HMCN2: variants seen among roughly 807,000 people sequenced by gnomAD.
HMCN2 encodes hemicentin 2.
A neutral mutation model predicts 377.5 loss-of-function variants in HMCN2; 325 were observed. The ratio of observed to expected loss-of-function variants is 0.86; its 90% confidence interval spans 0.79 to 0.94. HMCN2 has a LOEUF of 0.94. HMCN2 is among the 40% of genes least tolerant of loss of function. HMCN2 has a pLI of 0.00. For synonymous variants in HMCN2, 2,007 were observed against 2,046.8 expected (o/e 0.98, Z 0.53); for missense variants, 4,543 against 4,725.3 (o/e 0.96, Z 1.13).
chr9:130,392,223 A>T (rs1366743710), intron 66 of HMCN2, 105 bp downstream of exon 66: 28 of 796,506 alleles, frequency 3.5e-5, no homozygotes, highest in African/African-American at 5.6e-5. Context: ...TGCAACACCC[A>T]CTCCCCACCC....
At chr9:130,349,447 C>T in intron 28 of HMCN2, 90 bp from the exon 29 acceptor site, 1 of 1,229,458 alleles carries the variant, frequency 8.1e-7, no homozygotes, top group Non-Finnish European at 1.1e-6. Context: ...GGGGCCCAGG[C>T]TGGGGGGTCT....
At chr9:130,357,419 T>TG (rs1363592368) in intron 34 of HMCN2, among the ~76,000 whole-genome samples, 2 of 147,290 alleles carry the variant, frequency 1.4e-5, no homozygotes, top group Non-Finnish European at 3.0e-5. Context: ...GATGGATGGA[T>TG]GGAAGGGTGA....
Position 130,403,327 on chromosome 9 carries a change from T to G in HMCN2, c.12012T>G (p.Thr4004=). The change falls in exon 79 of 98, where the codon ACT becomes ACG. Residue 4004 remains threonine (T), a splice_region_variant and synonymous_variant. Coordinates refer to ENST00000683500, the MANE Select transcript of HMCN2 (RefSeq NM_001291815.2). Reference sequence around the variant, plus strand: ...AGAAGGAAGGGCTCAACGTCGCTACTGGTGAGGGCCCCTGGCAGCCAGCCT... The same window carrying G: ...AGAAGGAAGGGCTCAACGTCGCTACGGGTGAGGGCCCCTGGCAGCCAGCCT... ...TWQKEGLNVA[T]GVSTQVLPGG... 7.8e-7 allele frequency: 1 copy of G among 1,289,822 alleles called. No homozygotes were observed. Among genetic ancestry groups the G allele is most frequent in the Non-Finnish European group, 1.0e-6 (1 of 988,870 alleles). 79.9% of individuals were successfully genotyped at this position (1,289,822 alleles called of 1,614,324 possible). A position where few individuals can be genotyped will look rare whatever the true frequency, so the allele number is the denominator to read the frequency against.
intron 30 of HMCN2, among the ~76,000 whole-genome samples, chr9:130,352,045 C>A (rs1347301004): frequency 6.6e-6 from 1 of 152,162 alleles, no homozygotes; most frequent in Non-Finnish European, 1.5e-5. Context: ...CTCCTGACCT[C>A]AAGTGATCCT....
At chr9:130,416,396 C>T (rs1315864346) in intron 85 of HMCN2, among the ~76,000 whole-genome samples, 2 of 152,294 alleles carry the variant, frequency 1.3e-5, no homozygotes, top group African/African-American at 4.8e-5. Flanking sequence ...TGAGTCACTG[C>T]GCCTGGCCTC....
At chr9:130,312,570 T>TTCTTTCTTTCTC (rs1253997169) in intron 15 of HMCN2, among the ~76,000 whole-genome samples, 3 of 79,234 alleles carry the variant, frequency 3.8e-5, no homozygotes, top group Non-Finnish European at 7.4e-5. Context: ...CTTTCTTTCT[T>TTCTTTCTTTCTC]TCTTTCTTTC....
Position 130,393,260 on chromosome 9 carries a change from C to T in HMCN2, c.10185C>T (p.Ala3395=), listed in dbSNP as rs531388422. ...ACGCTGGCATCTTCACCTGTGTGGC[C>T]GCAAGCCCAGCTGGCGTGGCGGACA... is the stretch of plus-strand genomic sequence containing the variant. ...LADAGIFTCV[A]ASPAGVADRN... is the part of the protein sequence containing the mutation. Residue 3395 remains alanine (A), a synonymous_variant, in exon 67 of 98, where the codon GCC becomes GCT. Transcript: ENST00000683500. This position sits in a 1 kb window ranked among gnomAD's most constrained non-coding sequence, Gnocchi z 5.2. The T allele has an allele frequency of 7.1e-6, 7 of 988,540 alleles. No individual in the cohort carries two copies. Among genetic ancestry groups the T allele is most frequent in the East Asian group, 1.1e-4 (1 of 8,800 alleles). The allele number at this position is 988,540 out of a possible 1,614,324, so 61.2% of individuals were successfully genotyped here. A position where few individuals can be genotyped will look rare whatever the true frequency, so the allele number is the denominator to read the frequency against.
At chr9:130,313,019 G>C (rs1357447962) in intron 15 of HMCN2, among the ~76,000 whole-genome samples, 1 of 152,162 alleles carries the variant, frequency 6.6e-6, no homozygotes, top group African/African-American at 2.4e-5. Flanking sequence ...TCCTTCGCCT[G>C]TCTGCTGTTG....
In HMCN2 at chr9:130,385,493, C is replaced by G. The variant is rs939053670; in HGVS notation, c.9107-67C>G. On this transcript the variant is annotated intron_variant, in intron 59 of 97. Coordinates refer to ENST00000683500, the MANE Select transcript of HMCN2 (RefSeq NM_001291815.2). ...CTGGTGGGTTTCCACTGGCATTTTC[C>G]CTGTGGCTGAGTGGGGAGGGCGCAG... The G allele has an allele frequency of 4.3e-6, 5 of 1,174,406 alleles. No homozygotes were observed. In the African/African-American group the frequency reaches 7.9e-5, roughly 19 times the overall value. 72.7% of individuals were successfully genotyped at this position (1,174,406 alleles called of 1,614,324 possible). A position where few individuals can be genotyped will look rare whatever the true frequency, so the allele number is the denominator to read the frequency against.
At chr9:130,278,926 TCTCA>T (rs1834957390) in intron 1 of HMCN2, among the ~76,000 whole-genome samples, 1 of 143,908 alleles carries the variant, frequency 6.9e-6, no homozygotes. Flanking sequence ...TGAGACGGAG[TCTCA>T]CTCTGTTGCT....
chr9:130,364,993 C>A, intron 41 of HMCN2, 104 bp downstream of exon 41: 1 of 677,292 alleles, frequency 1.5e-6, no homozygotes, highest in Non-Finnish European at 1.8e-6. Context: ...CCTTTCCCCT[C>A]AGGGGATGGA....
intron 4 of HMCN2, among the ~76,000 whole-genome samples, chr9:130,293,683 C>T (rs553659261): frequency 1.3e-5 from 2 of 152,234 alleles, no homozygotes; most frequent in African/African-American, 4.8e-5. Flanking sequence ...ACACAGCCAG[C>T]AGGTGCCTCC....
At chr9:130,403,091 C>A (rs536047008) in intron 78 of HMCN2, 103 bp from the exon 79 acceptor site, 1 of 1,146,434 alleles carries the variant, frequency 8.7e-7, no homozygotes, top group Non-Finnish European at 1.1e-6. Context: ...CTAGAACCCC[C>A]GTTCTCCTTA....
At chr9:130,345,433 G>A (rs981109505) in intron 25 of HMCN2, among the ~76,000 whole-genome samples, 3,263 of 148,230 alleles carry the variant, frequency 0.022, 120 homozygotes, top group African/African-American at 0.077. Context: ...GGTGTGTGTA[G>A]TATGTGGTGT....
At chr9:130,421,624 C>G (rs1216685341) in intron 86 of HMCN2, among the ~76,000 whole-genome samples, 1 of 152,200 alleles carries the variant, frequency 6.6e-6, no homozygotes, top group Non-Finnish European at 1.5e-5. Context: ...CCGATCTCTT[C>G]TTCACTCCCC....
chr9:130,398,374 C>A lies in HMCN2; in HGVS notation c.11327-177C>A, dbSNP rs555575774. On this transcript the variant is annotated intron_variant, in intron 74 of 97. Transcript: ENST00000683500. ...GTGCCAGGCTCAGGGATGGGGAAAG[C>A]CCAAAACACCCTGCTGGAAGCGCTG... is the stretch of plus-strand genomic sequence containing the variant. 2.2e-4 allele frequency among the ~76,000 whole-genome samples: 34 copies of A among 152,108 alleles called. 1 individual carries two copies. The highest frequency in any genetic ancestry group is 7.5e-4 in the African/African-American group (31 of 41,510).
At chr9:130,311,727 C>G (rs1176828263) in intron 15 of HMCN2, among the ~76,000 whole-genome samples, 3 of 152,126 alleles carry the variant, frequency 2.0e-5, no homozygotes, top group Non-Finnish European at 4.4e-5. Context: ...TGCAGCCCTC[C>G]CCGTGACAAG....
chr9:130,290,042 G>T (rs1390423362), intron 4 of HMCN2, among the ~76,000 whole-genome samples: 3 of 152,218 alleles, frequency 2.0e-5, no homozygotes, highest in Non-Finnish European at 2.9e-5. Context: ...AGCACTGCCA[G>T]ATTTTTCGTT....
intron 25 of HMCN2, among the ~76,000 whole-genome samples, chr9:130,344,191 C>T (rs942856720): frequency 5.3e-5 from 8 of 151,966 alleles, no homozygotes; most frequent in South Asian, 2.1e-4. Flanking sequence ...TGGCCCCCGG[C>T]GTGGCGGGAA....
Sources: gnomAD v4.1 joint callset for allele counts (sites outside exome capture counted in the v4.1 genomes callset) on GRCh38, gnomAD v4.1.1 for gene constraint, Gnocchi (gnomAD v3.1) non-coding constraint, MANE v1.5 for transcripts, NCBI Gene and HGNC (gene_info 2026-07-23, HGNC 2026-07-21) for gene names.